Variants in CCDC7 observed in about 807,000 individuals in gnomAD.
CCDC7 encodes the protein coiled-coil domain containing 7.
In CCDC7, 183 loss-of-function variants were observed where a neutral mutation model predicts 196.9. The ratio of observed to expected loss-of-function variants is 0.93; its 90% CI spans 0.82 to 1.05. The LOEUF is 1.05. CCDC7 is among the 50% of genes least tolerant of loss of function. CCDC7 has a pLI of 0.00. For missense variants in CCDC7, 1,540 were observed against 1,482.2 expected, an observed-to-expected ratio of 1.04 and a Z score of -0.64; for synonymous variants, 525 against 484.6, an observed-to-expected ratio of 1.08 and a Z score of -1.10.
chr10:32,881,684 G>C (rs570031233), downstream of CCDC7, among the ~76,000 whole-genome samples: 11 of 152,216 alleles, frequency 7.2e-5, no homozygotes, highest in African/African-American at 2.6e-4. Context: ...CCAAATTGCA[G>C]ATGGTAAGCT....
intron 28 of CCDC7, among the ~76,000 whole-genome samples, chr10:32,776,430 C>A (rs2134203115): frequency 6.6e-6 from 1 of 152,158 alleles, no homozygotes; most frequent in Middle Eastern, 3.4e-3. Context: ...CTATCCCTAT[C>A]ATCACCAGGC....
chr10:32,603,484 C>T (rs1411768544), intron 18 of CCDC7, among the ~76,000 whole-genome samples: 3 of 151,582 alleles, frequency 2.0e-5, no homozygotes, highest in Admixed American at 1.3e-4. Context: ...ATTGCTGGAT[C>T]ATATTGTAGT....
At chr10:32,829,537 G>T (rs1296565166) in intron 32 of CCDC7, among the ~76,000 whole-genome samples, 1 of 152,024 alleles carries the variant, frequency 6.6e-6, no homozygotes, top group Non-Finnish European at 1.5e-5. Context: ...TTTAAGTATT[G>T]TTAACTTTAG....
At chr10:32,467,106 C>CTTT (rs35747517) in intron 5 of CCDC7, among the ~76,000 whole-genome samples, 3 of 142,652 alleles carry the variant, frequency 2.1e-5, no homozygotes, top group Non-Finnish European at 3.1e-5. Context: ...CCTTTGTCCA[C>CTTT]TTTTTTTTTT....
chr10:32,848,237 CA>C (rs765140192), intron 38 of CCDC7, among the ~76,000 whole-genome samples: 1 of 151,994 alleles, frequency 6.6e-6, no homozygotes, highest in Non-Finnish European at 1.5e-5. Flanking sequence ...TCAATTGGGG[CA>C]GGGGGGATCC....
intron 24 of CCDC7, among the ~76,000 whole-genome samples, chr10:32,709,568 T>C (rs2080455634): frequency 6.6e-6 from 1 of 152,156 alleles, no homozygotes; most frequent in African/African-American, 2.4e-5. Flanking sequence ...GGAAATCTAA[T>C]GCCACTGGTG....
At chr10:32,706,241 G>A (rs917681898) in intron 24 of CCDC7, among the ~76,000 whole-genome samples, 2 of 152,122 alleles carry the variant, frequency 1.3e-5, no homozygotes, top group Non-Finnish European at 2.9e-5. Flanking sequence ...ATGAAATGAA[G>A]GCAGAAATAA....
chr10:32,746,115 T>G (rs2074681566), intron 28 of CCDC7, among the ~76,000 whole-genome samples: 3 of 151,698 alleles, frequency 2.0e-5, no homozygotes, highest in Non-Finnish European at 4.4e-5. Flanking sequence ...GACCAGACCA[T>G]CAAGAAGACG....
In CCDC7 at chr10:32,528,043, C is replaced by G. The variant is rs192185070; in HGVS notation, c.993+9538C>G. On this transcript the variant is annotated intron_variant, in intron 11 of 41. Transcript: ENST00000639629. ...TCTACCTCCCTGCCTACCCACTGAC[C>G]CTTCCAAGTCATTCCTCACTCTAAG... Among the ~76,000 whole-genome samples the G allele has an allele frequency of 7.9e-3, 1,205 of 152,136 alleles. 7 individuals are homozygous for G. Among genetic ancestry groups the G allele is most frequent in the Middle Eastern group, 0.02 (6 of 294 alleles).
At chr10:32,490,301 A>G (rs942845555) in intron 8 of CCDC7, among the ~76,000 whole-genome samples, 1 of 152,060 alleles carries the variant, frequency 6.6e-6, no homozygotes, top group African/African-American at 2.4e-5. Context: ...GATATCTCCT[A>G]CTTTCTCATC....
intron 18 of CCDC7, chr10:32,623,586 G>A: frequency 2.7e-6 from 1 of 375,628 alleles, no homozygotes; most frequent in East Asian, 7.6e-5. Flanking sequence ...TCCCTTAGTT[G>A]CCTTACCTCA....
At chr10:32,818,942 A>T (rs558371282) in intron 31 of CCDC7, among the ~76,000 whole-genome samples, 1 of 152,310 alleles carries the variant, frequency 6.6e-6, no homozygotes, top group African/African-American at 2.4e-5. Context: ...AAGCTAGCAG[A>T]AGGCCAGAAA....
At chr10:32,768,837 G>C (rs973010804) in intron 28 of CCDC7, among the ~76,000 whole-genome samples, 1 of 151,902 alleles carries the variant, frequency 6.6e-6, no homozygotes, top group African/African-American at 2.4e-5. Context: ...TGCATATATT[G>C]AACCATCCTT....
At chr10:32,654,499 T>G (rs1193362249) in intron 20 of CCDC7, among the ~76,000 whole-genome samples, 1 of 152,240 alleles carries the variant, frequency 6.6e-6, no homozygotes, top group African/African-American at 2.4e-5. Context: ...GTTTGATTAG[T>G]GCATTTCTTG....
intron 21 of CCDC7, among the ~76,000 whole-genome samples, chr10:32,680,008 C>T (rs1378226872): frequency 6.6e-6 from 1 of 152,122 alleles, no homozygotes; most frequent in Non-Finnish European, 1.5e-5. Context: ...TGACAAAGGC[C>T]AAAGAGCTGT....
intron 21 of CCDC7, among the ~76,000 whole-genome samples, chr10:32,676,669 G>C (rs571794338): frequency 6.6e-6 from 1 of 152,116 alleles, no homozygotes; most frequent in South Asian, 2.1e-4. Flanking sequence ...ACCACAATGA[G>C]ATACCATCTC....
At chr10:32,588,518 G>T (rs1265818743) in intron 18 of CCDC7, among the ~76,000 whole-genome samples, 1 of 151,932 alleles carries the variant, frequency 6.6e-6, no homozygotes, top group Non-Finnish European at 1.5e-5. Flanking sequence ...ATCCTACTTG[G>T]TCTTGGTGTA....
intron 3 of CCDC7, among the ~76,000 whole-genome samples, chr10:32,456,645 A>G (rs888160418): frequency 1.3e-5 from 2 of 152,112 alleles, no homozygotes; most frequent in Admixed American, 1.3e-4. Context: ...AAGAGCATGT[A>G]AGTAGTTACA....
At chr10:32,597,566 G>C (rs1349088868) in intron 18 of CCDC7, among the ~76,000 whole-genome samples, 1 of 152,210 alleles carries the variant, frequency 6.6e-6, no homozygotes, top group African/African-American at 2.4e-5. Context: ...GGTTGCTGGT[G>C]AGGAGCTCTG....
Sources: allele counts gnomAD v4.1 joint callset (sites outside exome capture counted in the v4.1 genomes callset), GRCh38; gene constraint gnomAD v4.1.1; transcripts MANE v1.5; gene names NCBI Gene and HGNC (gene_info 2026-07-23, HGNC 2026-07-21).